The following DGKB variants were observed in gnomAD, a reference collection of about 807,000 sequenced individuals.
DGKB encodes the protein diacylglycerol kinase beta, also known as 90 kDa diacylglycerol kinase.
A neutral mutation model predicts 114.3 loss-of-function variants in DGKB; 67 were observed. That is an observed-to-expected ratio of 0.59 (90% CI 0.48 to 0.72). The LOEUF (loss-of-function observed/expected upper bound fraction) is 0.72, where lower values mean the gene tolerates loss of function less well. Ranked by LOEUF, DGKB falls within the 30% of genes least tolerant of loss-of-function variation. The pLI is 0.00. For missense variants in DGKB, 907 were observed against 975.2 expected, an observed-to-expected ratio of 0.93 and a Z score of 0.93; for synonymous variants, 398 against 323.1, an observed-to-expected ratio of 1.23 and a Z score of -2.49.
In DGKB at chr7:14,702,962, C is replaced by T. The variant is rs774150239; in HGVS notation, c.467-1232G>A. ...TGTTAAAGTGTAAGAAAACAAATGT[C>T]TGTCTATTGACTTAAGGGCAATAAT... On this transcript the variant is annotated intron_variant, in intron 6 of 25. Transcript: ENST00000402815. Among the ~76,000 whole-genome samples the T allele has an allele frequency of 9.8e-5, 15 of 152,294 alleles. No homozygotes were observed. The South Asian group carries it at 2.9e-3, about 29-fold the overall frequency.
chr7:14,257,056 G>A (rs1237408513), intron 23 of DGKB, among the ~76,000 whole-genome samples: 1 of 152,064 alleles, frequency 6.6e-6, no homozygotes, highest in Non-Finnish European at 1.5e-5. Context: ...CTAGCTATTG[G>A]GGTGGCTGAG....
chr7:14,825,016 GTATATATATATA>G (rs67135250), intron 2 of DGKB, among the ~76,000 whole-genome samples: 230 of 92,402 alleles, frequency 2.5e-3, no homozygotes, highest in South Asian at 5.2e-3. Context: ...GTATGTGTAT[GTATATATATATA>G]TATATATATA....
Position 14,455,338 on chromosome 7 carries a change from T to C in DGKB, c.1835+22823A>G, listed in dbSNP as rs140579650. On this transcript the variant is annotated intron_variant, in intron 21 of 25. Coordinates refer to ENST00000402815, the MANE Select transcript of DGKB (RefSeq NM_001350709.2). ...GTTTTGTAAAAAACTCCCTAGGTTT[T>C]CACAGCTGTAGAAATGCTCCCTCAA... 9.9e-5 allele frequency among the ~76,000 whole-genome samples: 15 copies of C among 152,148 alleles called. No individual in the cohort carries two copies. The East Asian group carries it at 2.7e-3, about 27-fold the overall frequency.
chr7:14,209,989 A>G (rs1171498009), intron 23 of DGKB, among the ~76,000 whole-genome samples: 1 of 151,996 alleles, frequency 6.6e-6, no homozygotes, highest in Non-Finnish European at 1.5e-5. Flanking sequence ...TCTTTGGATT[A>G]CAGTATTTAT....
rs539195454 is a variant in DGKB at position 14,674,461 on chromosome 7, ACTTT to A, written c.1036-1438_1036-1435del. Among the ~76,000 whole-genome samples, 421 of 152,290 alleles carry A rather than the reference ACTTT, an allele frequency of 2.8e-3. 1 individual carries two copies. Among genetic ancestry groups the A allele is most frequent in the African/African-American group, 9.6e-3 (398 of 41,564 alleles). ...ATTAATTTATTGGACCTAGTAATTA[ACTTT>A]CTTAGAATCTGCCATGGCCATGGAT... is the stretch of plus-strand genomic sequence containing the variant. On this transcript the variant is annotated intron_variant, in intron 12 of 25. Transcript: ENST00000402815.
intron 15 of DGKB, among the ~76,000 whole-genome samples, chr7:14,618,888 C>T (rs888760595): frequency 5.3e-5 from 8 of 151,046 alleles, no homozygotes; most frequent in African/African-American, 1.7e-4. Context: ...ATGATACATA[C>T]TTTTTAAAGC....
At chr7:14,958,793 G>A (rs1222843197) in intron 1 of DGKB, among the ~76,000 whole-genome samples, 2 of 152,024 alleles carry the variant, frequency 1.3e-5, no homozygotes, top group Admixed American at 6.6e-5. Flanking sequence ...ATGTTGTGAG[G>A]ATGTTGTCCC....
At chr7:14,560,259 C>T (rs536716184) in intron 20 of DGKB, among the ~76,000 whole-genome samples, 2 of 152,092 alleles carry the variant, frequency 1.3e-5, no homozygotes, top group Non-Finnish European at 2.9e-5. Flanking sequence ...GTATAAAATA[C>T]ATTATTGTTG....
intron 2 of DGKB, chr7:14,816,390 A>C (rs938551774): frequency 6.6e-6 from 1 of 152,172 alleles, no homozygotes; most frequent in African/African-American, 2.4e-5. Context: ...TTCATTCTCC[A>C]CCCAGACTGC....
intron 23 of DGKB, among the ~76,000 whole-genome samples, chr7:14,265,350 T>C (rs1222925790): frequency 7.2e-6 from 1 of 138,170 alleles, no homozygotes; most frequent in Non-Finnish European, 1.5e-5. Flanking sequence ...CTTAGTAGTC[T>C]CATTCAGATA....
At chr7:14,450,568 C>T (rs17651211) in intron 21 of DGKB, among the ~76,000 whole-genome samples, 18,616 of 151,922 alleles carry the variant, frequency 0.12, 1,467 homozygotes, top group East Asian at 0.22. Context: ...CAGGATTGGT[C>T]CCCTTATTCT....
intron 21 of DGKB, among the ~76,000 whole-genome samples, chr7:14,349,169 G>A (rs571725371): frequency 1.3e-5 from 2 of 152,130 alleles, no homozygotes; most frequent in Admixed American, 6.6e-5. Context: ...AACAGAAATG[G>A]AAAAGAGGGG....
At chr7:14,361,802 A>G (rs1815788648) in intron 21 of DGKB, among the ~76,000 whole-genome samples, 1 of 152,036 alleles carries the variant, frequency 6.6e-6, no homozygotes, top group Non-Finnish European at 1.5e-5. Flanking sequence ...GAATATTTTT[A>G]CAAGATAAAA....
At chr7:14,758,583 T>C (rs1835221053) in intron 2 of DGKB, among the ~76,000 whole-genome samples, 1 of 152,100 alleles carries the variant, frequency 6.6e-6, no homozygotes. Flanking sequence ...ATGTAGGAAA[T>C]ACATGGATTT....
intron 13 of DGKB, among the ~76,000 whole-genome samples, chr7:14,641,380 G>A (rs1811770540): frequency 1.3e-5 from 2 of 151,762 alleles, no homozygotes; most frequent in Admixed American, 6.6e-5. Flanking sequence ...TGTTGCTGTT[G>A]TTACTGTTAT....
Position 14,763,190 on chromosome 7 carries a change from G to C in DGKB, c.71-5459C>G, listed in dbSNP as rs114097160. Among the ~76,000 whole-genome samples, 1,071 of 151,780 alleles carry C rather than the reference G, an allele frequency of 7.1e-3. 13 individuals are homozygous for C. Among genetic ancestry groups the C allele is most frequent in the African/African-American group, 0.024 (1,012 of 41,412 alleles). On this transcript the variant is annotated intron_variant, in intron 2 of 25. Coordinates refer to ENST00000402815, the MANE Select transcript of DGKB (RefSeq NM_001350709.2). Reference sequence around the variant, plus strand: ...TTTCCTCAGGAATCCCGCCAATGTTGAGTGAAGTTCAACATAATGTATGGC... The same window carrying C: ...TTTCCTCAGGAATCCCGCCAATGTTCAGTGAAGTTCAACATAATGTATGGC...
At chr7:14,176,301 T>TC in intron 25 of DGKB, 1 of 971,738 alleles carries the variant, frequency 1.0e-6, no homozygotes, top group Non-Finnish European at 1.2e-6. Flanking sequence ...AAACTGATTT[T>TC]TTTTTGAGAG....
At chr7:14,621,928 T>C (rs1807727623) in intron 14 of DGKB, among the ~76,000 whole-genome samples, 1 of 152,168 alleles carries the variant, frequency 6.6e-6, no homozygotes. Context: ...TTTAAGCTAC[T>C]ATTTATATCA....
chr7:14,260,745 C>T (rs539846303), intron 23 of DGKB, among the ~76,000 whole-genome samples: 95 of 152,198 alleles, frequency 6.2e-4, no homozygotes, highest in African/African-American at 2.0e-3. Flanking sequence ...TACTTAATAC[C>T]GTGGGATAAT....
Sources: gnomAD v4.1 joint callset for allele counts (sites outside exome capture counted in the v4.1 genomes callset) on GRCh38, gnomAD v4.1.1 for gene constraint, MANE v1.5 for transcripts, NCBI Gene and HGNC (gene_info 2026-07-23, HGNC 2026-07-21) for gene names.